Variants in MCFD2 observed in about 807,000 individuals in gnomAD.
MCFD2 encodes multiple coagulation factor deficiency 2, ER cargo receptor complex subunit, also known as multiple coagulation factor deficiency protein 2.
A neutral mutation model predicts 12.8 loss-of-function variants in MCFD2; 11 were observed. That is an observed-to-expected ratio of 0.86 (90% CI 0.54 to 1.42). MCFD2 has a LOEUF of 1.42. MCFD2 is among the 40% of genes most tolerant of loss of function. The probability of loss-of-function intolerance (pLI) is 0.00; values close to 1 mark genes in which losing one functional copy is unlikely to be tolerated. For missense variants in MCFD2, 191 were observed against 178.6 expected, an observed-to-expected ratio of 1.07 and a Z score of -0.40; for synonymous variants, 70 against 68.1, an observed-to-expected ratio of 1.03 and a Z score of -0.14.
chr2:46,924,950 A>G (rs542501583), intron 1 of MCFD2, among the ~76,000 whole-genome samples: 1 of 152,208 alleles, frequency 6.6e-6, no homozygotes, highest in South Asian at 2.1e-4. Flanking sequence ...TTTCAAGAGT[A>G]CTCTTAGTTT....
In MCFD2 at chr2:46,909,265, C is replaced by G; in HGVS notation, c.-6-88G>C. On this transcript the variant is annotated intron_variant, in intron 1 of 3. Transcript: ENST00000319466. ...TTGACATGGTATGATCCTGGGAAAC[C>G]TGATGAAGCAGTAAGGTTAGGAAGA... The G allele has an allele frequency of 4.2e-6, 6 of 1,440,972 alleles. No individual in the cohort carries two copies. The Admixed American group carries it at 7.8e-5, about 19-fold the overall frequency. 89.3% of individuals were successfully genotyped at this position (1,440,972 alleles called of 1,614,324 possible).
intron 1 of MCFD2, among the ~76,000 whole-genome samples, chr2:46,925,152 G>T (rs6419615): frequency 7.2e-5 from 11 of 152,046 alleles, no homozygotes; most frequent in African/African-American, 2.4e-4. Flanking sequence ...GGGGTTGTCT[G>T]GCTATGTTCC....
At position 46,904,203 on chromosome 2, in the gene MCFD2, T is replaced by C. The variant is rs1026033202; in HGVS notation, c.*1260A>G. 6.6e-6 allele frequency: 1 copy of C among 152,222 alleles called. No individual in the cohort carries two copies. The highest frequency in any genetic ancestry group is 2.1e-4 in the South Asian group (1 of 4,838). The allele number at this position is 152,222 out of a possible 1,614,324, so 9.4% of individuals were successfully genotyped here. A position where few individuals can be genotyped will look rare whatever the true frequency, so the allele number is the denominator to read the frequency against. ...CCTCAATGCCCAGGCAAACGTTTGC[T>C]GCAGGGGAGAGGCCCTCTCAGCGGC... On this transcript the variant is annotated 3_prime_UTR_variant, in exon 4 of 4. Coordinates refer to ENST00000319466, the MANE Select transcript of MCFD2 (RefSeq NM_139279.6).
intron 1 of MCFD2, among the ~76,000 whole-genome samples, chr2:46,922,535 A>T (rs1027319397): frequency 3.6e-5 from 5 of 139,898 alleles, no homozygotes; most frequent in African/African-American, 6.2e-5. Context: ...CTCAGGGAAA[A>T]TTTTTTTTTC....
In MCFD2 at chr2:46,941,665, C is replaced by G. The variant is rs865919847; in HGVS notation, c.-101G>C. On this transcript the variant is annotated 5_prime_UTR_variant, in exon 1 of 3. Transcript: ENST00000409147. This position sits in a 1 kb window ranked among gnomAD's most constrained non-coding sequence, Gnocchi z 4.2. ...CCGGCAGCTGCAGACGCTGAGCATG[C>G]CCGGCGGCGGAGGTAACAGGCGAGG... 2.6e-6 allele frequency: 4 copies of G among 1,551,682 alleles called. No individual in the cohort carries two copies. The highest frequency in any genetic ancestry group is 2.0e-5 in the Admixed American group (1 of 51,146).
upstream of MCFD2, among the ~76,000 whole-genome samples, chr2:46,919,150 T>C (rs116206461): frequency 6.6e-6 from 1 of 152,358 alleles, no homozygotes; most frequent in African/African-American, 2.4e-5. Flanking sequence ...AAGATTTCAA[T>C]TTACACCTTT....
intron 1 of MCFD2, among the ~76,000 whole-genome samples, chr2:46,910,082 C>T (rs144159163): frequency 1.3e-5 from 2 of 152,214 alleles, no homozygotes; most frequent in African/African-American, 2.4e-5. Context: ...CTACAGTGAG[C>T]GGGCACTGGA....
chr2:46,912,180 CA>C (rs1411470728), intron 1 of MCFD2, among the ~76,000 whole-genome samples: 2 of 150,338 alleles, frequency 1.3e-5, no homozygotes, highest in Non-Finnish European at 3.0e-5. Flanking sequence ...ACTAAAAATA[CA>C]AAAAAAAATT....
rs137964402 is a variant in MCFD2, at chr2:46,907,902, G to C, written c.217C>G (p.Gln73Glu). 4.8e-5 allele frequency: 78 copies of C among 1,614,094 alleles called. No homozygotes were observed. Among genetic ancestry groups the C allele is most frequent in the Non-Finnish European group, 6.3e-5 (74 of 1,180,036 alleles). ...PEAEMSPQEL[Q>E]LHYFKMHDYD... ...TCATGCATTTTGAAGTAATGGAGCT[G>C]CAATTCTTGTGGCGACATCTCCGCC... Residue 73 changes from glutamine (Q) to glutamate (E), a missense_variant, in exon 3 of 4, where the codon CAG becomes GAG. Gln to Glu is a conservative substitution (Grantham distance 29). Transcript: ENST00000319466. The surrounding 1 kb of genome is among the most constrained non-coding windows in gnomAD (Gnocchi z 4.1).
intron 1 of MCFD2, among the ~76,000 whole-genome samples, chr2:46,909,537 A>T (rs1668396493): frequency 6.6e-6 from 1 of 152,210 alleles, no homozygotes; most frequent in African/African-American, 2.4e-5. Flanking sequence ...GTTATATCAG[A>T]TTATCAGAGA....
In MCFD2 at chr2:46,909,432, T is replaced by G. The variant is rs534438973; in HGVS notation, c.-6-255A>C. On this transcript the variant is annotated intron_variant, in intron 1 of 3. Transcript: ENST00000319466. ...AGAGTGCCAAGCAACACGTGAAAGC[T>G]TGAAGGGACTGGAAGATTATTCTTG... is the stretch of plus-strand genomic sequence containing the variant. Among the ~76,000 whole-genome samples the G allele has an allele frequency of 2.6e-5, 4 of 152,258 alleles. No individual in the cohort carries two copies. The East Asian group carries it at 7.7e-4, about 29-fold the overall frequency.
intron 1 of MCFD2, among the ~76,000 whole-genome samples, chr2:46,939,714 G>A (rs1670173782): frequency 6.6e-6 from 1 of 152,138 alleles, no homozygotes; most frequent in South Asian, 2.1e-4. Flanking sequence ...GCCAGGCGTG[G>A]GGCAAATCAC....
chr2:46,906,589 G>A (rs775780504), intron 3 of MCFD2, among the ~76,000 whole-genome samples: 33 of 147,706 alleles, frequency 2.2e-4, no homozygotes, highest in Admixed American at 1.1e-3. Context: ...AGGCTCAGGT[G>A]TTCCTCCCCA....
chr2:46,910,729 A>T (rs180736185), intron 1 of MCFD2: 1 of 152,222 alleles, frequency 6.6e-6, no homozygotes, highest in Non-Finnish European at 1.5e-5. Flanking sequence ...AGGGGACAAT[A>T]GTCACTGGGA....
rs368584244 is a variant in MCFD2, at chr2:46,940,428, C to T, written c.-8+1144G>A. ...CCGGGCCCCTGTAAGAGGTCTCCCC[C>T]CAAGGGTGGACCTCGGCTGCCCCCG... On this transcript the variant is annotated intron_variant, in intron 1 of 2. Transcript: ENST00000409147. The surrounding 1 kb of genome is among the most constrained non-coding windows in gnomAD (Gnocchi z 4.7). Among the ~76,000 whole-genome samples the T allele has an allele frequency of 2.6e-5, 4 of 152,178 alleles. No individual in the cohort carries two copies. The highest frequency in any genetic ancestry group is 4.4e-5 in the Non-Finnish European group (3 of 68,030).
chr2:46,918,469 A>T (rs1330556689), upstream of MCFD2, among the ~76,000 whole-genome samples: 1 of 152,224 alleles, frequency 6.6e-6, no homozygotes, highest in African/African-American at 2.4e-5. Flanking sequence ...TCCATAAGTG[A>T]GAAGCCACCT....
chr2:46,941,107 G>A lies in MCFD2; in HGVS notation c.-8+465C>T, dbSNP rs1670299861. ...GCCCTTCGCGCGCCTGGCTGCTGTG[G>A]CCGCGCTGGCAGCCAGCGAGCCCGG... is the stretch of plus-strand genomic sequence containing the variant. On this transcript the variant is annotated intron_variant, in intron 1 of 2. Transcript: ENST00000409147. The surrounding 1 kb of genome is among the most constrained non-coding windows in gnomAD (Gnocchi z 4.2). The A allele has an allele frequency of 6.7e-6, 1 of 148,614 alleles. No homozygotes were observed. The highest frequency in any genetic ancestry group is 1.5e-5 in the Non-Finnish European group (1 of 66,386). The allele number at this position is 148,614 out of a possible 1,614,324, so 9.2% of individuals were successfully genotyped here. A position where few individuals can be genotyped will look rare whatever the true frequency, so the allele number is the denominator to read the frequency against.
chr2:46,929,223 C>T (rs1669565809), intron 1 of MCFD2, among the ~76,000 whole-genome samples: 1 of 151,996 alleles, frequency 6.6e-6, no homozygotes, highest in South Asian at 2.1e-4. Context: ...GTGGCTCATG[C>T]ATGTAATCCT....
chr2:46,919,096 C>T (rs778819397), upstream of MCFD2, among the ~76,000 whole-genome samples: 1 of 152,140 alleles, frequency 6.6e-6, no homozygotes, highest in Non-Finnish European at 1.5e-5. Flanking sequence ...CAATGTTTTA[C>T]CTATGTAGGG....
Sources: gnomAD v4.1 joint callset for allele counts (sites outside exome capture counted in the v4.1 genomes callset) on GRCh38, gnomAD v4.1.1 for gene constraint, Gnocchi (gnomAD v3.1) non-coding constraint, MANE v1.5 for transcripts, NCBI Gene and HGNC (gene_info 2026-07-23, HGNC 2026-07-21) for gene names.